Variants in GTF2H1 observed in about 807,000 individuals in gnomAD.
GTF2H1 encodes the protein BTF2 p62.
Under a neutral mutation model 71.2 loss-of-function variants are expected in GTF2H1, and 16 were observed. The ratio of observed to expected loss-of-function variants is 0.22; its 90% confidence interval spans 0.15 to 0.34. The LOEUF is 0.34. GTF2H1 is among the 10% of genes least tolerant of loss of function. The pLI is 1.00. For synonymous variants in GTF2H1, 215 were observed against 219.0 expected, an observed-to-expected ratio of 0.98 and a Z score of 0.16; for missense variants, 498 against 648.2, an observed-to-expected ratio of 0.77 and a Z score of 2.52.
At chr11:18,354,867 G>A (rs1865506382) in intron 11 of GTF2H1, among the ~76,000 whole-genome samples, 1 of 151,904 alleles carries the variant, frequency 6.6e-6, no homozygotes, top group East Asian at 1.9e-4. Context: ...GAAGTGCAGT[G>A]GCATGATCTC....
intron 1 of GTF2H1, among the ~76,000 whole-genome samples, chr11:18,327,909 A>G (rs117492003): frequency 6.4e-4 from 98 of 152,298 alleles, no homozygotes; most frequent in Non-Finnish European, 1.2e-3. Flanking sequence ...ATTTTTTTAA[A>G]TTTAAGAATA....
At chr11:18,351,713 G>A in intron 9 of GTF2H1, 168 bp from the exon 10 acceptor site, 1 of 481,432 alleles carries the variant, frequency 2.1e-6, no homozygotes, top group Non-Finnish European at 3.8e-6. Flanking sequence ...TTAAGTAGTT[G>A]TTGAGAAAAT....
In GTF2H1 at chr11:18,360,712, G is replaced by A; in HGVS notation, c.1560+5G>A. On this transcript the variant is annotated splice_donor_5th_base_variant and intron_variant, in intron 14 of 14. Coordinates refer to ENST00000265963, the MANE Select transcript of GTF2H1 (RefSeq NM_005316.4). ...AGACAGTATTTAAGCACAAATGTAA[G>A]GCAGCAATCTGATTTTTGCCTGATC... 1 of 1,459,948 alleles carries A rather than the reference G, an allele frequency of 6.8e-7. No homozygotes were observed. The highest frequency in any genetic ancestry group is 1.3e-5 in the South Asian group (1 of 78,070). The allele number at this position is 1,459,948 out of a possible 1,614,324, so 90.4% of individuals were successfully genotyped here. A position where few individuals can be genotyped will look rare whatever the true frequency, so the allele number is the denominator to read the frequency against.
At chr11:18,347,531 TTATAA>T (rs773000356) in intron 7 of GTF2H1, 52 bp from the exon 8 acceptor site, 63 of 1,342,744 alleles carry the variant, frequency 4.7e-5, no homozygotes, top group African/African-American at 7.4e-5. Context: ...TAAGCGTGTC[TTATAA>T]TAAGAAAAGC....
chr11:18,348,199 A>G (rs1865343278), intron 9 of GTF2H1: 2 of 423,110 alleles, frequency 4.7e-6, no homozygotes, highest in Non-Finnish European at 4.2e-6. Context: ...TTGTTCTTAT[A>G]TGTGATTTTG....
chr11:18,355,119 T>A (rs941524010), intron 11 of GTF2H1, among the ~76,000 whole-genome samples: 1 of 151,234 alleles, frequency 6.6e-6, no homozygotes, highest in Non-Finnish European at 1.5e-5. Context: ...TTTTTTAAAA[T>A]TTTTTTAATT....
chr11:18,327,427 C>T (rs2133951084), intron 1 of GTF2H1, among the ~76,000 whole-genome samples: 1 of 152,302 alleles, frequency 6.6e-6, no homozygotes, highest in Non-Finnish European at 1.5e-5. Context: ...GACCCAGATT[C>T]AAACCCAGTT....
At chr11:18,357,166 G>C (rs1330395349) in intron 11 of GTF2H1, among the ~76,000 whole-genome samples, 2 of 152,126 alleles carry the variant, frequency 1.3e-5, no homozygotes, top group Non-Finnish European at 2.9e-5. Flanking sequence ...GAAAATCTTA[G>C]AGATGCTAAC....
At position 18,346,733 on chromosome 11, in the gene GTF2H1, C is replaced by CTTTTT. The variant is rs35494754; in HGVS notation, c.838-837_838-833dup. Among the ~76,000 whole-genome samples the CTTTTT allele has an allele frequency of 2.2e-3, 186 of 85,216 alleles. 4 individuals are homozygous for CTTTTT. Among genetic ancestry groups the CTTTTT allele is most frequent in the East Asian group, 8.2e-3 (20 of 2,430 alleles). 55.9% of individuals were successfully genotyped at this position (85,216 alleles called of 152,430 possible). A position where few individuals can be genotyped will look rare whatever the true frequency, so the allele number is the denominator to read the frequency against. On this transcript the variant is annotated intron_variant, in intron 7 of 14. Coordinates refer to ENST00000265963, the MANE Select transcript of GTF2H1 (RefSeq NM_005316.4). ...CACTATATTCTATTCTTTTTATTTA[C>CTTTTT]TTTTTTTTTTTTTTTTTTTTTTGAG...
In GTF2H1 at chr11:18,338,216, C is replaced by T. The variant is rs747388788; in HGVS notation, c.455C>T (p.Thr152Ile). 23 of 1,608,230 alleles carry T rather than the reference C, an allele frequency of 1.4e-5. No individual in the cohort carries two copies. The South Asian group carries it at 2.5e-4, about 18-fold the overall frequency. The change falls in exon 4 of 15, where the codon ACA becomes ATA. Residue 152 changes from threonine to isoleucine, a missense_variant. Physicochemically the swap from Thr to Ile is moderately conservative, Grantham distance 89 (BLOSUM62 -1). Coordinates refer to ENST00000265963, the MANE Select transcript of GTF2H1 (RefSeq NM_005316.4). ...FWANRLNVNATDSSSTSNHKQ... is the reference protein window; with the variant it reads ...FWANRLNVNAIDSSSTSNHKQ... ...GCCAATCGTTTAAATGTGAATGCAA[C>T]AGATAGTTCTTCCACATCCAATCAT...
intron 4 of GTF2H1, among the ~76,000 whole-genome samples, chr11:18,338,493 G>C (rs559678669): frequency 6.6e-6 from 1 of 152,166 alleles, no homozygotes; most frequent in Non-Finnish European, 1.5e-5. Flanking sequence ...ACCCAGACTG[G>C]AGTGCAGTGG....
At chr11:18,332,980 A>G in intron 1 of GTF2H1, 80 bp from the exon 2 acceptor site, 1 of 851,200 alleles carries the variant, frequency 1.2e-6, no homozygotes, top group East Asian at 2.7e-5. Flanking sequence ...TATATTTGAA[A>G]GGGACTCTAG....
intron 9 of GTF2H1, among the ~76,000 whole-genome samples, chr11:18,349,258 T>C (rs1231652688): frequency 2.0e-5 from 3 of 152,226 alleles, no homozygotes; most frequent in Non-Finnish European, 4.4e-5. Context: ...GCCAGTGAGG[T>C]ATTTCTTTTT....
intron 11 of GTF2H1, 80 bp downstream of exon 11, chr11:18,352,526 A>T: frequency 1.6e-6 from 1 of 631,860 alleles, no homozygotes. Context: ...ATTGAACCAT[A>T]CAACTAATAT....
intron 12 of GTF2H1, among the ~76,000 whole-genome samples, 183 bp from the exon 13 acceptor site, chr11:18,358,342 C>A (rs913635932): frequency 5.9e-5 from 9 of 152,090 alleles, no homozygotes; most frequent in Admixed American, 3.9e-4. Flanking sequence ...TTTGAAATCC[C>A]AAGAGCTTTT....
intron 14 of GTF2H1, among the ~76,000 whole-genome samples, chr11:18,363,653 A>G (rs903537815): frequency 2.6e-5 from 4 of 152,232 alleles, no homozygotes; most frequent in Non-Finnish European, 5.9e-5. Flanking sequence ...TTAAAATACA[A>G]AACAGCATTA....
chr11:18,358,156 T>C lies in GTF2H1; in HGVS notation c.1351+114T>C. ...CCTTGGAATAATCCTGGGATTTCTA[T>C]TTTGTAGATTTGTTTTTATACATTC... On this transcript the variant is annotated intron_variant, in intron 12 of 14. Transcript: ENST00000265963. 7.1e-6 allele frequency: 5 copies of C among 699,550 alleles called. No homozygotes were observed. The South Asian group carries it at 8.9e-5, about 12-fold the overall frequency. 43.3% of individuals were successfully genotyped at this position (699,550 alleles called of 1,614,324 possible).
intron 9 of GTF2H1, among the ~76,000 whole-genome samples, chr11:18,350,454 A>G (rs1278411496): frequency 1.3e-5 from 2 of 151,672 alleles, no homozygotes; most frequent in Non-Finnish European, 2.9e-5. Flanking sequence ...AAAAAAAGTC[A>G]GGCTGAGTCT....
At chr11:18,353,855 C>G (rs894562143) in intron 11 of GTF2H1, among the ~76,000 whole-genome samples, 6 of 152,146 alleles carry the variant, frequency 3.9e-5, no homozygotes, top group African/African-American at 1.2e-4. Flanking sequence ...TTTCAAAAAA[C>G]TAAGACATTC....
Sources: allele counts gnomAD v4.1 joint callset (sites outside exome capture counted in the v4.1 genomes callset), GRCh38; gene constraint gnomAD v4.1.1; transcripts MANE v1.5; gene names NCBI Gene and HGNC (gene_info 2026-07-23, HGNC 2026-07-21).